PRKCH: variants seen among roughly 807,000 people sequenced by gnomAD.
PRKCH encodes protein kinase C eta type.
Under a neutral mutation model 82.5 loss-of-function variants are expected in PRKCH, and 28 were observed. The ratio of observed to expected loss-of-function variants is 0.34; its 90% CI spans 0.25 to 0.47. PRKCH has a LOEUF of 0.47. Among genes scored for constraint, PRKCH ranks in the 20% least tolerant of loss-of-function variants. The pLI, the probability that PRKCH is intolerant of heterozygous loss-of-function variation, is 1.00. For synonymous variants in PRKCH, 322 were observed against 327.4 expected (o/e 0.98, Z 0.18); for missense variants, 705 against 881.8 (o/e 0.80, Z 2.54).
chr14:61,372,648 A>C (rs1354728272), intron 1 of PRKCH, among the ~76,000 whole-genome samples: 2 of 152,046 alleles, frequency 1.3e-5, no homozygotes, highest in Admixed American at 6.6e-5. Context: ...TCTAGAGTCC[A>C]TACTCATTTC....
intron 1 of PRKCH, among the ~76,000 whole-genome samples, chr14:61,253,980 TCCCTCCCTCCCTCCC>T: frequency 3.2e-5 from 1 of 31,200 alleles, no homozygotes; most frequent in East Asian, 9.3e-4. Context: ...CCCTCCCTCC[TCCCTCCCTCCCTCCC>T]TCCCTCCCTC....
At chr14:61,408,464 G>A (rs936083930) in intron 2 of PRKCH, among the ~76,000 whole-genome samples, 9 of 152,158 alleles carry the variant, frequency 5.9e-5, no homozygotes, top group Non-Finnish European at 4.4e-5. Flanking sequence ...ATCTGTAGCT[G>A]TGCTGGAGAT....
At chr14:61,246,138 G>A (rs2044879279) in intron 1 of PRKCH, among the ~76,000 whole-genome samples, 1 of 152,030 alleles carries the variant, frequency 6.6e-6, no homozygotes. Context: ...AGGCGCGGTG[G>A]CTCACACCTA....
chr14:61,374,185 C>T lies in PRKCH; in HGVS notation c.364-17040C>T, dbSNP rs575489426. ...AGTAATCTCCTTTGACTCCATGTCT[C>T]ACATCCAGGGCACACCGATGCAAGG... On this transcript the variant is annotated intron_variant, in intron 1 of 13. Coordinates refer to ENST00000332981, the MANE Select transcript of PRKCH (RefSeq NM_006255.5). 1.0e-3 allele frequency among the ~76,000 whole-genome samples: 159 copies of T among 152,266 alleles called. 2 individuals are homozygous for T. The highest frequency in any genetic ancestry group is 3.6e-3 in the African/African-American group (151 of 41,492).
At chr14:61,331,719 CTT>C (rs770835389) in intron 1 of PRKCH, among the ~76,000 whole-genome samples, 1 of 152,188 alleles carries the variant, frequency 6.6e-6, no homozygotes, top group African/African-American at 2.4e-5. Flanking sequence ...TCTCCAAAGA[CTT>C]TTATATCTCT....
Position 61,210,772 on chromosome 14 carries a change from C to CTGTGTGTG in PRKCH, c.-19+23105_-19+23106insGTGTGTGT, listed in dbSNP as rs1249726064. On this transcript the variant is annotated intron_variant, in intron 1 of 3. Transcript: ENST00000555185. ...GAGTCCTTTCTCTCTCTCTCTCTCT[C>CTGTGTGTG]TCTCTCTCTCTCTCTCTCTGTGTGT... Among the ~76,000 whole-genome samples the CTGTGTGTG allele has an allele frequency of 2.3e-4, 31 of 135,270 alleles. No individual in the cohort carries two copies. The East Asian group carries it at 3.8e-3, about 17-fold the overall frequency. 88.7% of individuals were successfully genotyped at this position (135,270 alleles called of 152,430 possible).
intron 1 of PRKCH, among the ~76,000 whole-genome samples, chr14:61,249,460 A>T (rs2044920191): frequency 6.6e-6 from 1 of 151,202 alleles, no homozygotes; most frequent in South Asian, 2.1e-4. Flanking sequence ...AGTCATACAG[A>T]GAAGATTAGT....
chr14:61,389,527 A>G (rs554563626), intron 1 of PRKCH, among the ~76,000 whole-genome samples: 116 of 151,806 alleles, frequency 7.6e-4, no homozygotes, highest in African/African-American at 2.8e-3. Context: ...CTCTACATAC[A>G]TACATACATA....
intron 1 of PRKCH, among the ~76,000 whole-genome samples, chr14:61,219,681 A>G (rs1311848596): frequency 6.6e-6 from 1 of 152,256 alleles, no homozygotes; most frequent in Non-Finnish European, 1.5e-5. Context: ...TAAATAAAAA[A>G]CAGAAACATA....
intron 12 of PRKCH, 80 bp downstream of exon 12, chr14:61,530,675 T>C (rs1088679): frequency 0.85 from 1,123,122 of 1,321,538 alleles, 482,209 homozygotes; most frequent in East Asian, 0.94. Flanking sequence ...TTTTCAGTAC[T>C]TCCCACCAGT....
chr14:61,366,507 G>A (rs2046298276), intron 1 of PRKCH, among the ~76,000 whole-genome samples: 1 of 152,130 alleles, frequency 6.6e-6, no homozygotes, highest in African/African-American at 2.4e-5. Flanking sequence ...TGGAAGTTCA[G>A]TGGAGGTTGC....
intron 1 of PRKCH, chr14:61,303,983 C>T: frequency 6.6e-6 from 1 of 151,742 alleles, no homozygotes; most frequent in Non-Finnish European, 1.5e-5. Flanking sequence ...GCTAGTACAA[C>T]TGAAGACTGA....
chr14:61,431,835 C>T (rs529553117), intron 2 of PRKCH, among the ~76,000 whole-genome samples: 13 of 152,168 alleles, frequency 8.5e-5, no homozygotes, highest in East Asian at 3.8e-4. Context: ...TTTTATCTGA[C>T]GTTAATGTGG....
chr14:61,540,627 C>T (rs2043171263), intron 12 of PRKCH, among the ~76,000 whole-genome samples: 1 of 152,216 alleles, frequency 6.6e-6, no homozygotes, highest in South Asian at 2.1e-4. Context: ...AAGGAGTATG[C>T]AGCATACATA....
At chr14:61,415,902 A>T (rs916277127) in intron 2 of PRKCH, among the ~76,000 whole-genome samples, 11 of 151,270 alleles carry the variant, frequency 7.3e-5, no homozygotes, top group African/African-American at 2.7e-4. Flanking sequence ...AGATTTGACT[A>T]CTCTAAGTAC....
intron 1 of PRKCH, among the ~76,000 whole-genome samples, chr14:61,292,227 G>A (rs1347173773): frequency 1.3e-5 from 2 of 151,400 alleles, no homozygotes; most frequent in Admixed American, 6.6e-5. Flanking sequence ...GCTCATGCTT[G>A]TAATCCCAGC....
Position 61,322,022 on chromosome 14 carries a change from A to C in PRKCH, c.-80A>C, listed in dbSNP as rs1364007839. 7.0e-7 allele frequency: 1 copy of C among 1,431,774 alleles called. No homozygotes were observed. Among genetic ancestry groups the C allele is most frequent in the East Asian group, 2.5e-5 (1 of 39,230 alleles). The allele number at this position is 1,431,774 out of a possible 1,614,324, so 88.7% of individuals were successfully genotyped here. A position where few individuals can be genotyped will look rare whatever the true frequency, so the allele number is the denominator to read the frequency against. The stretch of plus-strand genomic sequence containing the variant: ...TGCCTCGACTCCTGCACCTGTCCCG[A>C]GGGCTGGCCTGAGACGGGACTCCCG... On this transcript the variant is annotated 5_prime_UTR_variant, in exon 1 of 14. Coordinates refer to ENST00000332981, the MANE Select transcript of PRKCH (RefSeq NM_006255.5).
At chr14:61,441,825 A>T (rs545876857) in intron 2 of PRKCH, among the ~76,000 whole-genome samples, 86 of 151,382 alleles carry the variant, frequency 5.7e-4, no homozygotes, top group Non-Finnish European at 8.1e-4. Flanking sequence ...CTTTAAAAAA[A>T]TTTTTTTAAG....
intron 1 of PRKCH, among the ~76,000 whole-genome samples, chr14:61,206,530 A>G (rs576824520): frequency 6.6e-6 from 1 of 152,332 alleles, no homozygotes; most frequent in African/African-American, 2.4e-5. Context: ...TTCCAGGTAG[A>G]TATGAATTTT....
Sources: allele counts gnomAD v4.1 joint callset (sites outside exome capture counted in the v4.1 genomes callset), GRCh38; gene constraint gnomAD v4.1.1; transcripts MANE v1.5; gene names NCBI Gene and HGNC (gene_info 2026-07-23, HGNC 2026-07-21).